The following RINT1 variants were observed in gnomAD, a reference collection of about 807,000 sequenced individuals.
RINT1 encodes RAD50-interacting protein 1.
In RINT1, 75 loss-of-function variants were observed where a neutral mutation model predicts 97.7. The ratio of observed to expected loss-of-function variants is 0.77; its 90% CI spans 0.64 to 0.93. The LOEUF (loss-of-function observed/expected upper bound fraction) is 0.93. RINT1 is among the 40% of genes least tolerant of loss of function. RINT1 has a pLI of 0.00. For missense variants in RINT1, 892 were observed against 925.2 expected (o/e 0.96, Z 0.47); for synonymous variants, 303 against 326.3 (o/e 0.93, Z 0.77).
chr7:105,556,169 G>C (rs1024285249), intron 11 of RINT1, among the ~76,000 whole-genome samples: 2 of 151,342 alleles, frequency 1.3e-5, no homozygotes, highest in African/African-American at 4.9e-5. Flanking sequence ...TGGGTTCAAG[G>C]GATTATCCTG....
In RINT1 at chr7:105,546,611, C is replaced by T. The variant is rs556028258; in HGVS notation, c.516-299C>T. On this transcript the variant is annotated intron_variant, in intron 4 of 14. Coordinates refer to ENST00000257700, the MANE Select transcript of RINT1 (RefSeq NM_021930.6). ...GCTTTCGGCTGGGCACGGTGACTCACGCCTCTAATCCCAGCACTTTGGGAG... is the reference window on the plus strand; with the variant it reads ...GCTTTCGGCTGGGCACGGTGACTCATGCCTCTAATCCCAGCACTTTGGGAG... Among the ~76,000 whole-genome samples, 296 of 152,282 alleles carry T rather than the reference C, an allele frequency of 1.9e-3. 1 individual carries two copies. The highest frequency in any genetic ancestry group is 6.9e-3 in the African/African-American group (287 of 41,562).
chr7:105,542,703 C>T, intron 4 of RINT1, 54 bp downstream of exon 4: 1 of 1,570,866 alleles, frequency 6.4e-7, no homozygotes, highest in Non-Finnish European at 8.6e-7. Context: ...AGGCTTCTGT[C>T]TTAGAGAGTA....
intron 12 of RINT1, 182 bp from the exon 13 acceptor site, chr7:105,565,095 T>C: frequency 2.1e-6 from 1 of 482,192 alleles, no homozygotes; most frequent in African/African-American, 1.9e-5. Context: ...TAAAGAGTAT[T>C]TGAGAGTGAA....
intron 7 of RINT1, among the ~76,000 whole-genome samples, chr7:105,549,469 C>T (rs1223952397): frequency 3.9e-5 from 6 of 152,044 alleles, no homozygotes; most frequent in African/African-American, 1.4e-4. Context: ...CTGCCTCAGC[C>T]TCTTGAGTAG....
Position 105,550,426 on chromosome 7 carries a change from TGTA to T in RINT1, c.1274_1276del (p.Cys425_Met426delinsLeu). On this transcript the variant is annotated inframe_deletion, in exon 9 of 15. Transcript: ENST00000257700. ...TGGCTATCCTGGCACTTTTGCTAGT[TGTA>T]TGCATATTCTATCAGAGGAAACCTG... 1 of 1,614,194 alleles carries T rather than the reference TGTA, an allele frequency of 6.2e-7. No individual in the cohort carries two copies. The highest frequency in any genetic ancestry group is 8.5e-7 in the Non-Finnish European group (1 of 1,180,028).
intron 4 of RINT1, 28 bp from the exon 5 acceptor site, chr7:105,546,882 A>T: frequency 6.4e-7 from 1 of 1,557,664 alleles, no homozygotes; most frequent in Non-Finnish European, 8.7e-7. Flanking sequence ...CTCAAAAGAA[A>T]AAAAAATTTG....
At chr7:105,549,022 C>G (rs1453030981) in intron 7 of RINT1, among the ~76,000 whole-genome samples, 3 of 150,972 alleles carry the variant, frequency 2.0e-5, no homozygotes, top group Non-Finnish European at 4.4e-5. Context: ...GAGTCTCGCT[C>G]TGTCACCCAG....
intron 7 of RINT1, among the ~76,000 whole-genome samples, 157 bp downstream of exon 7, chr7:105,548,867 A>G (rs1790800347): frequency 6.6e-6 from 1 of 152,088 alleles, no homozygotes; most frequent in Non-Finnish European, 1.5e-5. Context: ...TCATACATAT[A>G]ATTGAGGACT....
Position 105,532,839 on chromosome 7 carries a change from G to A in RINT1, c.58G>A (p.Gly20Ser). Residue 20 changes from glycine to serine, a missense_variant, in exon 2 of 15, where the codon GGT becomes AGT. Physicochemically the swap from Gly to Ser is moderately conservative, Grantham distance 56. Transcript: ENST00000257700. Reference protein sequence around the residue: ...SPAAPCCSESGDERKNLEEKS... With the variant: ...SPAAPCCSESSDERKNLEEKS... ...CTTCTTCTAGTGCTGCTCTGAAAGTGGTGACGAAAGGAAGAACCTCGAGGA... is the reference window on the plus strand; with the variant it reads ...CTTCTTCTAGTGCTGCTCTGAAAGTAGTGACGAAAGGAAGAACCTCGAGGA... 1.2e-6 allele frequency: 2 copies of A among 1,614,144 alleles called. No homozygotes were observed. The highest frequency in any genetic ancestry group is 1.7e-6 in the Non-Finnish European group (2 of 1,180,014).
intron 12 of RINT1, among the ~76,000 whole-genome samples, chr7:105,564,935 G>T (rs1289641543): frequency 6.6e-6 from 1 of 152,060 alleles, no homozygotes; most frequent in African/African-American, 2.4e-5. Context: ...TGTGGCTCTA[G>T]CCTGGCCAAC....
chr7:105,542,705 T>C, intron 4 of RINT1, 56 bp downstream of exon 4: 1 of 1,569,174 alleles, frequency 6.4e-7, no homozygotes, highest in Non-Finnish European at 8.6e-7. Flanking sequence ...GCTTCTGTCT[T>C]AGAGAGTACA....
intron 7 of RINT1, among the ~76,000 whole-genome samples, chr7:105,549,554 G>A (rs1261183917): frequency 6.6e-6 from 1 of 151,768 alleles, no homozygotes; most frequent in Non-Finnish European, 1.5e-5. Context: ...TCACCATGTT[G>A]ACCAGTCTGG....
chr7:105,562,221 G>A (rs1056694507), intron 11 of RINT1, among the ~76,000 whole-genome samples: 1 of 152,160 alleles, frequency 6.6e-6, no homozygotes, highest in Non-Finnish European at 1.5e-5. Flanking sequence ...TGGTACAGTT[G>A]CTGTGGAAAA....
chr7:105,532,492 C>T, intron 1 of RINT1, 135 bp downstream of exon 1: 1 of 1,010,566 alleles, frequency 9.9e-7, no homozygotes, highest in Non-Finnish European at 1.5e-6. Context: ...AGATTAGAGG[C>T]CCTTGTAAGA....
Position 105,547,069 on chromosome 7 carries a change from G to A in RINT1, c.675G>A (p.Lys225=). The A allele has an allele frequency of 6.2e-7, 1 of 1,613,716 alleles. No individual in the cohort carries two copies. Among genetic ancestry groups the A allele is most frequent in the Non-Finnish European group, 8.5e-7 (1 of 1,179,884 alleles). The part of the protein sequence containing the change: ...ATVKFWHKIL[K]DKLTSDFEEI... ...TTAAATTCTGGCATAAAATTCTCAAGGACAAGCTTACAAGGTAGGGAATTT... is the reference window on the plus strand; with the variant it reads ...TTAAATTCTGGCATAAAATTCTCAAAGACAAGCTTACAAGGTAGGGAATTT... Residue 225 remains lysine, a synonymous_variant, in exon 5 of 15, where the codon AAG becomes AAA. Coordinates refer to ENST00000257700, the MANE Select transcript of RINT1 (RefSeq NM_021930.6).
At position 105,532,263 on chromosome 7, in the gene RINT1, C is replaced by A; in HGVS notation, c.-53C>A. 1 of 1,542,996 alleles carries A rather than the reference C, an allele frequency of 6.5e-7. No individual in the cohort carries two copies. Among genetic ancestry groups the A allele is most frequent in the Non-Finnish European group, 8.7e-7 (1 of 1,146,928 alleles). On this transcript the variant is annotated 5_prime_UTR_variant, in exon 1 of 15. Transcript: ENST00000257700. ...GAGTGTGTCGCTGGCCTTAGCCAGA[C>A]TCCACAGGCCACGCTGGCTGCGAAT... is the stretch of plus-strand genomic sequence containing the variant.
At chr7:105,563,690 A>T in intron 11 of RINT1, 43 bp from the exon 12 acceptor site, 2 of 1,321,532 alleles carry the variant, frequency 1.5e-6, no homozygotes, top group South Asian at 2.5e-5. Context: ...TCAAACTGTT[A>T]AAAAAAAAGT....
Position 105,559,884 on chromosome 7 carries a change from C to G in RINT1, c.1672-3849C>G, listed in dbSNP as rs142113998. On this transcript the variant is annotated intron_variant, in intron 11 of 14. Coordinates refer to ENST00000257700, the MANE Select transcript of RINT1 (RefSeq NM_021930.6). The stretch of plus-strand genomic sequence containing the variant: ...AAGGAAAAAGAATGGACAGAATTCA[C>G]TTTCCATTTGTTTCAGGTTCTCTAC... 4.4e-3 allele frequency among the ~76,000 whole-genome samples: 669 copies of G among 152,326 alleles called. 4 individuals carry two copies. Among genetic ancestry groups the G allele is most frequent in the African/African-American group, 0.015 (640 of 41,580 alleles).
At chr7:105,549,598 C>A (rs1389361219) in intron 7 of RINT1, among the ~76,000 whole-genome samples, 1 of 152,078 alleles carries the variant, frequency 6.6e-6, no homozygotes, top group Non-Finnish European at 1.5e-5. Flanking sequence ...ATCCACCCAC[C>A]TCGGCCTCCC....
Sources: gnomAD v4.1 joint callset for allele counts (sites outside exome capture counted in the v4.1 genomes callset) on GRCh38, gnomAD v4.1.1 for gene constraint, MANE v1.5 for transcripts, NCBI Gene and HGNC (gene_info 2026-07-23, HGNC 2026-07-21) for gene names.